PPP2R2B: variants seen among roughly 807,000 people sequenced by gnomAD.
PPP2R2B encodes serine/threonine-protein phosphatase 2A 55 kDa regulatory subunit B beta isoform.
Under a neutral mutation model 46.0 loss-of-function variants are expected in PPP2R2B, and 5 were observed. That is an observed-to-expected ratio of 0.11 (90% CI 0.06 to 0.23). PPP2R2B has a LOEUF of 0.23. PPP2R2B is among the 10% of genes least tolerant of loss of function. PPP2R2B has a pLI of 1.00. For synonymous variants in PPP2R2B, 215 were observed against 206.7 expected (o/e 1.04, Z -0.34); for missense variants, 367 against 575.0 (o/e 0.64, Z 3.70).
rs1393307727 is a variant in PPP2R2B at position 146,581,917 on chromosome 5, C to T, written c.*8030G>A. The T allele has an allele frequency of 6.6e-6, 1 of 152,180 alleles. No individual in the cohort carries two copies. Among genetic ancestry groups the T allele is most frequent in the East Asian group, 1.9e-4 (1 of 5,192 alleles). 9.4% of individuals were successfully genotyped at this position (152,180 alleles called of 1,614,324 possible). ...CAGAGAAGCTGAAATAAGAAAGCCA[C>T]ACTGGAGGAAGTCAAGTTTATCTTA... On this transcript the variant is annotated 3_prime_UTR_variant, in exon 10 of 10. Coordinates refer to ENST00000394411, the MANE Select transcript of PPP2R2B (RefSeq NM_181675.4).
chr5:146,765,923 C>T (rs1212973074), intron 2 of PPP2R2B, among the ~76,000 whole-genome samples: 1 of 152,182 alleles, frequency 6.6e-6, no homozygotes, highest in African/African-American at 2.4e-5. Context: ...GGAAAATAGT[C>T]ACTTTGGGAA....
intron 2 of PPP2R2B, among the ~76,000 whole-genome samples, chr5:146,761,287 G>A (rs1754148324): frequency 6.6e-6 from 1 of 152,096 alleles, no homozygotes; most frequent in African/African-American, 2.4e-5. Context: ...ACGATAGACT[G>A]GATTAAGAAA....
At chr5:146,862,382 G>C (rs549096584) in intron 2 of PPP2R2B, among the ~76,000 whole-genome samples, 1 of 152,224 alleles carries the variant, frequency 6.6e-6, no homozygotes, top group African/African-American at 2.4e-5. Flanking sequence ...TTCTTGGAGT[G>C]TCTGTCTTGT....
chr5:146,844,738 T>C (rs1167765936), intron 2 of PPP2R2B, among the ~76,000 whole-genome samples: 2 of 152,250 alleles, frequency 1.3e-5, no homozygotes, highest in African/African-American at 2.4e-5. Context: ...TTTCTTTCTT[T>C]CCAGCACTTT....
chr5:146,912,081 A>G (rs930122656), intron 1 of PPP2R2B, among the ~76,000 whole-genome samples: 1 of 151,976 alleles, frequency 6.6e-6, no homozygotes, highest in African/African-American at 2.4e-5. Flanking sequence ...CTACTAAAAT[A>G]CAAAAAAGTT....
intron 1 of PPP2R2B, among the ~76,000 whole-genome samples, chr5:147,018,899 A>T (rs967613997): frequency 6.6e-6 from 1 of 152,168 alleles, no homozygotes. Flanking sequence ...GGTGGTTATT[A>T]TTTTAAAAAA....
At chr5:146,713,072 A>G (rs1043563078) in intron 2 of PPP2R2B, among the ~76,000 whole-genome samples, 1 of 152,220 alleles carries the variant, frequency 6.6e-6, no homozygotes, top group Non-Finnish European at 1.5e-5. Flanking sequence ...AAGGAAAACA[A>G]ATAGAGCTGA....
intron 7 of PPP2R2B, among the ~76,000 whole-genome samples, chr5:146,635,545 G>A (rs906946350): frequency 2.0e-5 from 3 of 152,222 alleles, no homozygotes; most frequent in African/African-American, 7.2e-5. Context: ...GCTAGTGTCA[G>A]CCACACTGGG....
At chr5:146,804,705 T>C (rs1316185734) in intron 2 of PPP2R2B, among the ~76,000 whole-genome samples, 3 of 152,178 alleles carry the variant, frequency 2.0e-5, no homozygotes, top group African/African-American at 7.2e-5. Flanking sequence ...TATTATTATA[T>C]ATTAGACATG....
intron 6 of PPP2R2B, among the ~76,000 whole-genome samples, chr5:146,641,146 C>G (rs114127817): frequency 6.6e-6 from 1 of 152,132 alleles, no homozygotes; most frequent in Non-Finnish European, 1.5e-5. Context: ...TGTGTTGTCC[C>G]CCTTGCCCCT....
At chr5:146,921,289 G>A (rs1763597922) in intron 1 of PPP2R2B, among the ~76,000 whole-genome samples, 1 of 152,174 alleles carries the variant, frequency 6.6e-6, no homozygotes. Context: ...CAAGACAAAT[G>A]ACTGTGCTCA....
At chr5:146,764,256 C>T (rs1561887864) in intron 2 of PPP2R2B, among the ~76,000 whole-genome samples, 1 of 152,074 alleles carries the variant, frequency 6.6e-6, no homozygotes, top group Non-Finnish European at 1.5e-5. Context: ...TGACAAAAGC[C>T]TTGTGGGCCC....
chr5:146,818,222 A>T (rs1758046720), intron 2 of PPP2R2B, among the ~76,000 whole-genome samples: 1 of 152,156 alleles, frequency 6.6e-6, no homozygotes, highest in Admixed American at 6.6e-5. Flanking sequence ...GGGCATGGAA[A>T]GCTGTCTTGA....
chr5:146,582,475 C>G lies in PPP2R2B; in HGVS notation c.*7472G>C, dbSNP rs758339671. 1 of 152,252 alleles carries G rather than the reference C, an allele frequency of 6.6e-6. No homozygotes were observed. Among genetic ancestry groups the G allele is most frequent in the Non-Finnish European group, 1.5e-5 (1 of 68,052 alleles). 9.4% of individuals were successfully genotyped at this position (152,252 alleles called of 1,614,324 possible). A position where few individuals can be genotyped will look rare whatever the true frequency, so the allele number is the denominator to read the frequency against. On this transcript the variant is annotated 3_prime_UTR_variant, in exon 10 of 10. Transcript: ENST00000394411. ...ATGCTCTATTAACTAACACTGCAAT[C>G]TAAGCTTGATCACTTGCTTTTAACA... is the stretch of plus-strand genomic sequence containing the variant.
At chr5:146,983,171 A>G (rs1753253285) in intron 1 of PPP2R2B, among the ~76,000 whole-genome samples, 1 of 126,736 alleles carries the variant, frequency 7.9e-6, no homozygotes, top group African/African-American at 2.8e-5. Flanking sequence ...CGTGTTTTCC[A>G]GAGCATTTTT....
chr5:146,845,880 C>G (rs1220765908), intron 2 of PPP2R2B, among the ~76,000 whole-genome samples: 4 of 152,154 alleles, frequency 2.6e-5, no homozygotes. Context: ...GAGCTCCAGA[C>G]CTGTACTGTG....
chr5:146,995,641 G>T (rs761404057), intron 1 of PPP2R2B, among the ~76,000 whole-genome samples: 16 of 152,270 alleles, frequency 1.1e-4, no homozygotes, highest in Non-Finnish European at 1.5e-4. Flanking sequence ...CTACATGCCA[G>T]GATTGTCTTT....
intron 1 of PPP2R2B, among the ~76,000 whole-genome samples, chr5:146,944,206 G>A (rs149944445): frequency 6.6e-6 from 1 of 152,230 alleles, no homozygotes; most frequent in African/African-American, 2.4e-5. Context: ...CTAAATTGCC[G>A]ATTGCCACTA....
chr5:146,910,588 A>T (rs1763143611), intron 1 of PPP2R2B, among the ~76,000 whole-genome samples: 2 of 152,208 alleles, frequency 1.3e-5, no homozygotes, highest in South Asian at 2.1e-4. Context: ...AACCTTCTTC[A>T]TGGTGGTGTA....
Sources: gnomAD v4.1 joint callset for allele counts (sites outside exome capture counted in the v4.1 genomes callset) on GRCh38, gnomAD v4.1.1 for gene constraint, MANE v1.5 for transcripts, NCBI Gene and HGNC (gene_info 2026-07-23, HGNC 2026-07-21) for gene names.